TMCC3: variants seen among roughly 807,000 people sequenced by gnomAD.
TMCC3 encodes the protein transmembrane and coiled-coil domain protein 3.
A neutral mutation model predicts 40.2 loss-of-function variants in TMCC3; 28 were observed. That is an observed-to-expected ratio of 0.70 (90% confidence interval 0.52 to 0.95). TMCC3 has a LOEUF of 0.95. Among genes scored for constraint, TMCC3 ranks in the 40% least tolerant of loss-of-function variants. The probability of loss-of-function intolerance (pLI) is 0.00; values close to 1 mark genes in which losing one functional copy is unlikely to be tolerated. For missense variants in TMCC3, 554 were observed against 615.2 expected, an observed-to-expected ratio of 0.90 and a Z score of 1.05; for synonymous variants, 255 against 248.5, an observed-to-expected ratio of 1.03 and a Z score of -0.25.
Position 94,571,564 on chromosome 12 carries a change from G to A in TMCC3, c.1305C>T (p.Phe435=), listed in dbSNP as rs759224978. 8.7e-6 allele frequency: 14 copies of A among 1,614,138 alleles called. No homozygotes were observed. In the East Asian group the frequency reaches 8.9e-5, roughly 10 times the overall value. ...ILVCVSTIAK[F]VSPMMKSRCH... is the part of the protein sequence containing the mutation. ...AGCGACTCTTCATCATGGGTGAGAC[G>A]AACTTCGCGATGGTGGACACACACA... The change falls in exon 4 of 4, where the codon TTC becomes TTT. Residue 435 remains phenylalanine (F), a synonymous_variant. Transcript: ENST00000261226.
chr12:94,629,584 T>G (rs570481246), intron 1 of TMCC3, among the ~76,000 whole-genome samples: 14 of 152,312 alleles, frequency 9.2e-5, no homozygotes, highest in African/African-American at 3.4e-4. Context: ...CATTTTCTAC[T>G]GAGACCTCAC....
intron 3 of TMCC3, among the ~76,000 whole-genome samples, chr12:94,575,768 C>T (rs933992976): frequency 8.5e-5 from 13 of 152,136 alleles, no homozygotes; most frequent in Admixed American, 5.2e-4. Flanking sequence ...AGAACGACTT[C>T]GTGAAGCAAT....
intron 1 of TMCC3, among the ~76,000 whole-genome samples, chr12:94,588,220 A>G (rs1017603375): frequency 5.3e-5 from 8 of 152,122 alleles, no homozygotes; most frequent in Admixed American, 1.3e-4. Flanking sequence ...CTCCCAGGAC[A>G]CTCTGTATTA....
At chr12:94,580,922 A>G (rs923742183) in intron 2 of TMCC3, among the ~76,000 whole-genome samples, 1 of 152,214 alleles carries the variant, frequency 6.6e-6, no homozygotes, top group African/African-American at 2.4e-5. Flanking sequence ...CAGCATCTTA[A>G]GATGCACGTG....
In TMCC3 at chr12:94,647,294, C is replaced by T. The variant is rs115641312; in HGVS notation, c.78+3059G>A. Among the ~76,000 whole-genome samples the T allele has an allele frequency of 8.1e-3, 1,241 of 152,292 alleles. 12 individuals carry two copies. Among genetic ancestry groups the T allele is most frequent in the African/African-American group, 0.028 (1,164 of 41,552 alleles). ...TTTTCACTAAGGGGGGAGGGGTTAT[C>T]TAGGTCAGTCCACCTAGATGTAAAA... On this transcript the variant is annotated intron_variant, in intron 1 of 3. Transcript: ENST00000261226.
intron 1 of TMCC3, among the ~76,000 whole-genome samples, chr12:94,641,701 G>A (rs940230137): frequency 3.3e-5 from 5 of 152,094 alleles, no homozygotes; most frequent in South Asian, 4.1e-4. Flanking sequence ...CCCTTAAGGC[G>A]AGACTCACAG....
intron 1 of TMCC3, among the ~76,000 whole-genome samples, chr12:94,638,969 T>C (rs1250324347): frequency 6.6e-6 from 1 of 151,144 alleles, no homozygotes; most frequent in Non-Finnish European, 1.5e-5. Context: ...CAAGCCTACA[T>C]ACACATCTTA....
chr12:94,605,684 T>C (rs2068778282), intron 1 of TMCC3, among the ~76,000 whole-genome samples: 1 of 152,222 alleles, frequency 6.6e-6, no homozygotes, highest in Non-Finnish European at 1.5e-5. Context: ...CCAATTATTA[T>C]CACAGCCTTG....
chr12:94,567,875 T>C lies in TMCC3; in HGVS notation c.*3560A>G, dbSNP rs2068504169. The stretch of plus-strand genomic sequence containing the variant: ...TCCCATTCAATGCAAAATAATTTGG[T>C]ACAATCCGACCAAAAAAGACAAAAG... On this transcript the variant is annotated 3_prime_UTR_variant, in exon 4 of 4. Transcript: ENST00000261226. 1 of 152,210 alleles carries C rather than the reference T, an allele frequency of 6.6e-6. No homozygotes were observed. The highest frequency in any genetic ancestry group is 6.5e-5 in the Admixed American group (1 of 15,278). 9.4% of individuals were successfully genotyped at this position (152,210 alleles called of 1,614,324 possible).
At chr12:94,633,087 C>T (rs1045828033) in intron 1 of TMCC3, among the ~76,000 whole-genome samples, 1 of 151,806 alleles carries the variant, frequency 6.6e-6, no homozygotes, top group Non-Finnish European at 1.5e-5. Context: ...GCCTGGGTGA[C>T]AGAGTGAGAC....
chr12:94,577,345 C>A (rs1338246373), intron 3 of TMCC3, among the ~76,000 whole-genome samples: 1 of 152,092 alleles, frequency 6.6e-6, no homozygotes, highest in African/African-American at 2.4e-5. Context: ...TGTGCCATCA[C>A]GCCTGGCTAA....
intron 1 of TMCC3, among the ~76,000 whole-genome samples, chr12:94,589,268 A>G (rs1285969313): frequency 1.3e-5 from 2 of 152,174 alleles, no homozygotes; most frequent in Admixed American, 1.3e-4. Flanking sequence ...TGCTCCTATG[A>G]TATGCCACCC....
chr12:94,644,974 T>A (rs1340595268), intron 1 of TMCC3, among the ~76,000 whole-genome samples: 4 of 152,220 alleles, frequency 2.6e-5, no homozygotes, highest in Non-Finnish European at 5.9e-5. Context: ...TTACTTCAGA[T>A]GTTAGAGATT....
intron 1 of TMCC3, among the ~76,000 whole-genome samples, chr12:94,601,547 G>A (rs1049810387): frequency 2.6e-5 from 4 of 151,488 alleles, no homozygotes; most frequent in Non-Finnish European, 5.9e-5. Flanking sequence ...AAAGAAGGCT[G>A]GGCGCAGTGA....
At chr12:94,591,358 T>G (rs1257234197) in intron 1 of TMCC3, among the ~76,000 whole-genome samples, 4 of 152,130 alleles carry the variant, frequency 2.6e-5, no homozygotes, top group Non-Finnish European at 5.9e-5. Flanking sequence ...TGCAGAGCTC[T>G]TTTTCAGGAC....
intron 1 of TMCC3, among the ~76,000 whole-genome samples, chr12:94,612,376 T>C (rs111898173): frequency 0.023 from 3,515 of 152,176 alleles, 112 homozygotes; most frequent in African/African-American, 0.079. Flanking sequence ...AGTGGTGCGA[T>C]CTCGGCTCAC....
In TMCC3 at chr12:94,571,732, G is replaced by A. The variant is rs1383780826; in HGVS notation, c.1137C>T (p.Ala379=). Residue 379 remains alanine, a synonymous_variant, in exon 4 of 4, where the codon GCC becomes GCT. Coordinates refer to ENST00000261226, the MANE Select transcript of TMCC3 (RefSeq NM_020698.4). ...AAATGCGAGTCTGGCAGGATTCCAA[G>A]GCTTCCTGTGAGCAAGAGGGAGAGC... ...AYERSRDIQE[A]LESCQTRISK... 1.9e-6 allele frequency: 3 copies of A among 1,613,570 alleles called. No individual in the cohort carries two copies. Among genetic ancestry groups the A allele is most frequent in the East Asian group, 4.5e-5 (2 of 44,890 alleles).
At chr12:94,578,299 AC>A in intron 3 of TMCC3, 94 bp downstream of exon 3, 1 of 1,421,820 alleles carries the variant, frequency 7.0e-7, no homozygotes, top group Non-Finnish European at 9.4e-7. Flanking sequence ...TGTGCCAGAA[AC>A]CCTCTAGGAC....
intron 1 of TMCC3, among the ~76,000 whole-genome samples, chr12:94,604,841 T>C (rs1594283670): frequency 1.4e-5 from 2 of 139,638 alleles, no homozygotes; most frequent in African/African-American, 2.7e-5. Context: ...ATAAGTACTA[T>C]AGGAACCAAG....
Sources: gnomAD v4.1 joint callset for allele counts (sites outside exome capture counted in the v4.1 genomes callset) on GRCh38, gnomAD v4.1.1 for gene constraint, MANE v1.5 for transcripts, NCBI Gene and HGNC (gene_info 2026-07-23, HGNC 2026-07-21) for gene names.